Variants in LRRFIP1 observed in about 807,000 individuals in gnomAD.
LRRFIP1 encodes the protein leucine-rich repeat flightless-interacting protein 1.
A neutral mutation model predicts 104.4 loss-of-function variants in LRRFIP1; 62 were observed. The ratio of observed to expected loss-of-function variants is 0.59; its 90% confidence interval spans 0.48 to 0.73. The LOEUF (loss-of-function observed/expected upper bound fraction) is 0.73, where lower values mean the gene tolerates loss of function less well. Among genes scored for constraint, LRRFIP1 ranks in the 30% least tolerant of loss-of-function variants. The pLI is 0.00. For synonymous variants in LRRFIP1, 300 were observed against 299.0 expected (o/e 1.00, Z -0.03); for missense variants, 796 against 824.5 (o/e 0.97, Z 0.42).
At chr2:237,653,571 A>G (rs906724490) in intron 1 of LRRFIP1, among the ~76,000 whole-genome samples, 6 of 152,250 alleles carry the variant, frequency 3.9e-5, no homozygotes, top group Non-Finnish European at 8.8e-5. Context: ...AGCAATAAGA[A>G]CAAAGCTGGA....
At chr2:237,677,798 C>T (rs1471327367) in intron 1 of LRRFIP1, among the ~76,000 whole-genome samples, 2 of 152,182 alleles carry the variant, frequency 1.3e-5, no homozygotes, top group African/African-American at 4.8e-5. Context: ...CGGGGTCTGC[C>T]TGATTTCTGC....
chr2:237,676,890 T>C (rs2091228602), intron 1 of LRRFIP1, among the ~76,000 whole-genome samples: 1 of 152,258 alleles, frequency 6.6e-6, no homozygotes, highest in Non-Finnish European at 1.5e-5. Context: ...TTGGTGTGGC[T>C]GATTTCACGT....
intron 12 of LRRFIP1, 55 bp downstream of exon 12, chr2:237,748,454 A>G: frequency 1.4e-6 from 2 of 1,465,274 alleles, no homozygotes; most frequent in South Asian, 2.4e-5. Flanking sequence ...TGAAATTGAT[A>G]AGAAAATATG....
rs377591900 is a variant in LRRFIP1 at position 237,739,271 on chromosome 2, G to A, written c.595G>A (p.Ala199Thr). ...CGGCCACCTCAACTCCAGCTCCCGCGCCTCCTCCAGGGCCAGCTCGGCCCG... is the reference window on the plus strand; with the variant it reads ...CGGCCACCTCAACTCCAGCTCCCGCACCTCCTCCAGGGCCAGCTCGGCCCG... Reference protein sequence around the residue: ...YSGHLNSSSRASSRASSARAS... With the variant: ...YSGHLNSSSRTSSRASSARAS... The change falls in exon 11 of 24, where the codon GCC becomes ACC. Residue 199 changes from alanine to threonine, a missense_variant. Coordinates refer to ENST00000308482, the MANE Select transcript of LRRFIP1 (RefSeq NM_001137550.2). 66 of 1,564,772 alleles carry A rather than the reference G, an allele frequency of 4.2e-5. No individual in the cohort carries two copies. In the African/African-American group the frequency reaches 6.5e-4, roughly 15 times the overall value.
chr2:237,729,597 AGTT>A (rs1287393048), intron 8 of LRRFIP1, among the ~76,000 whole-genome samples: 2 of 152,040 alleles, frequency 1.3e-5, no homozygotes, highest in Non-Finnish European at 1.5e-5. Flanking sequence ...TAGAATCTCC[AGTT>A]GTTAAGAATC....
intron 3 of LRRFIP1, among the ~76,000 whole-genome samples, chr2:237,716,495 AAG>A (rs1474509191): frequency 6.6e-6 from 1 of 152,162 alleles, no homozygotes; most frequent in Non-Finnish European, 1.5e-5. Flanking sequence ...TGTCACCTCT[AAG>A]AGAAAGAGAT....
intron 1 of LRRFIP1, among the ~76,000 whole-genome samples, chr2:237,700,562 G>A (rs895734658): frequency 3.3e-5 from 5 of 152,198 alleles, no homozygotes; most frequent in Admixed American, 1.3e-4. Flanking sequence ...TAATTAATAG[G>A]AGAACTTCCT....
chr2:237,682,432 C>T (rs2091941779), intron 1 of LRRFIP1, among the ~76,000 whole-genome samples: 1 of 152,154 alleles, frequency 6.6e-6, no homozygotes, highest in African/African-American at 2.4e-5. Context: ...AACAGGAGCT[C>T]GAGCCTGATT....
chr2:237,646,161 G>T (rs1208430693), intron 1 of LRRFIP1, among the ~76,000 whole-genome samples: 6 of 151,696 alleles, frequency 4.0e-5, no homozygotes, highest in African/African-American at 1.5e-4. Flanking sequence ...TAGTTCGCAG[G>T]AACAATTATT....
At chr2:237,756,387 C>T (rs796942181) in intron 16 of LRRFIP1, among the ~76,000 whole-genome samples, 200 bp downstream of exon 16, 2 of 152,228 alleles carry the variant, frequency 1.3e-5, no homozygotes, top group Non-Finnish European at 2.9e-5. Context: ...TCTTCCTGGC[C>T]TGCAGACAGC....
chr2:237,759,612 C>T (rs1008575864), intron 18 of LRRFIP1, among the ~76,000 whole-genome samples: 11 of 152,276 alleles, frequency 7.2e-5, no homozygotes, highest in Middle Eastern at 3.4e-3. Flanking sequence ...TTCTAGCCAC[C>T]TCTGAATTCC....
At chr2:237,765,054 G>C in intron 19 of LRRFIP1, 1 of 789,798 alleles carries the variant, frequency 1.3e-6, no homozygotes, top group Non-Finnish European at 1.5e-6. Flanking sequence ...CTGAGGTCAA[G>C]AGTTCGAGGC....
At chr2:237,734,111 G>A (rs2095142459) in intron 9 of LRRFIP1, among the ~76,000 whole-genome samples, 1 of 152,130 alleles carries the variant, frequency 6.6e-6, no homozygotes, top group African/African-American at 2.4e-5. Flanking sequence ...TTTACCTATT[G>A]GCAGAAAGAA....
intron 1 of LRRFIP1, among the ~76,000 whole-genome samples, chr2:237,682,746 C>A (rs1215886968): frequency 6.6e-6 from 1 of 152,178 alleles, no homozygotes; most frequent in African/African-American, 2.4e-5. Flanking sequence ...ACTTTCTTGC[C>A]GTCCCTGACA....
intron 7 of LRRFIP1, among the ~76,000 whole-genome samples, chr2:237,724,277 T>C (rs146020292): frequency 6.2e-4 from 95 of 152,366 alleles, no homozygotes; most frequent in Admixed American, 9.8e-4. Flanking sequence ...TATTGTAGCA[T>C]ATTATGTACT....
chr2:237,651,061 T>G (rs2085861979), intron 1 of LRRFIP1, among the ~76,000 whole-genome samples: 1 of 152,198 alleles, frequency 6.6e-6, no homozygotes, highest in Non-Finnish European at 1.5e-5. Context: ...TTAATTTATG[T>G]AACATGTATC....
At chr2:237,695,008 A>G (rs1002078345) in intron 1 of LRRFIP1, among the ~76,000 whole-genome samples, 1 of 152,138 alleles carries the variant, frequency 6.6e-6, no homozygotes, top group Admixed American at 6.5e-5. Context: ...CAGGTGTGGG[A>G]GAGTGGAGTC....
At chr2:237,723,639 A>G (rs1444781861) in intron 7 of LRRFIP1, 53 bp downstream of exon 7, 11 of 1,599,868 alleles carry the variant, frequency 6.9e-6, no homozygotes, top group Middle Eastern at 3.3e-4. Flanking sequence ...TGGTGTGACC[A>G]TAATAACCTG....
chr2:237,763,995 G>A, intron 19 of LRRFIP1: 1 of 1,614,164 alleles, frequency 6.2e-7, no homozygotes, highest in Non-Finnish European at 8.5e-7. Flanking sequence ...CAGACCGTCA[G>A]GAAAGCTTTA....
Sources: allele counts gnomAD v4.1 joint callset (sites outside exome capture counted in the v4.1 genomes callset), GRCh38; gene constraint gnomAD v4.1.1; transcripts MANE v1.5; gene names NCBI Gene and HGNC (gene_info 2026-07-23, HGNC 2026-07-21).